Variants in OSMR observed in about 807,000 individuals in gnomAD.
OSMR encodes the protein oncostatin-M-specific receptor subunit beta.
OSMR carries 81 observed loss-of-function variants against 99.9 expected under a neutral mutation model. The ratio of observed to expected loss-of-function variants is 0.81; its 90% CI spans 0.68 to 0.97. OSMR has a LOEUF of 0.97. Ranked by LOEUF, OSMR falls within the 50% of genes least tolerant of loss-of-function variation. OSMR has a pLI of 0.00. For missense variants in OSMR, 1,099 were observed against 1,153.4 expected (o/e 0.95, Z 0.68); for synonymous variants, 406 against 410.4 (o/e 0.99, Z 0.13).
intron 7 of OSMR, among the ~76,000 whole-genome samples, chr5:38,888,514 T>C (rs1342226491): frequency 6.6e-6 from 1 of 152,150 alleles, no homozygotes; most frequent in African/African-American, 2.4e-5. Flanking sequence ...AAACAAAAAC[T>C]TCCCAAGGAC....
At position 38,904,388 on chromosome 5, in the gene OSMR, C is replaced by T; in HGVS notation, c.1170C>T (p.Phe390=). The T allele has an allele frequency of 1.2e-6, 2 of 1,614,038 alleles. No homozygotes were observed. Among genetic ancestry groups the T allele is most frequent in the Non-Finnish European group, 1.7e-6 (2 of 1,179,960 alleles). The change falls in exon 9 of 18, where the codon TTC becomes TTT. Residue 390 remains phenylalanine, a synonymous_variant. Transcript: ENST00000274276. ...NVSIKVNGEY[F]LSELEPATEY... is the part of the protein sequence containing the mutation. ...CCATCAAGGTGAACGGTGAGTACTT[C>T]TTAAGTGAACTGGAACCTGCCACAG...
chr5:38,943,061 C>T, intron 1 of OSMR: 1 of 898,202 alleles, frequency 1.1e-6, no homozygotes, highest in Non-Finnish European at 1.8e-6. Context: ...AAATAGATTT[C>T]CCTACAGATA....
chr5:38,854,881 T>TA (rs1740719198), intron 1 of OSMR, among the ~76,000 whole-genome samples: 1 of 147,756 alleles, frequency 6.8e-6, no homozygotes, highest in African/African-American at 2.5e-5. Context: ...TTTCCCTTTC[T>TA]AAATTCTGCT....
intron 1 of OSMR, among the ~76,000 whole-genome samples, chr5:38,862,011 G>A (rs1182786265): frequency 2.5e-5 from 3 of 120,800 alleles, no homozygotes; most frequent in Non-Finnish European, 3.5e-5. Flanking sequence ...GCGGCTGGCC[G>A]GGCAGAGGGG....
At chr5:38,923,571 A>T (rs77599657) in intron 13 of OSMR, among the ~76,000 whole-genome samples, 4 of 152,212 alleles carry the variant, frequency 2.6e-5, no homozygotes, top group African/African-American at 9.7e-5. Context: ...GGATGCTGGA[A>T]TCAAAGGGTT....
chr5:38,944,895 T>C, intron 2 of OSMR: 1 of 1,609,438 alleles, frequency 6.2e-7, no homozygotes, highest in Non-Finnish European at 8.5e-7. Flanking sequence ...ATGATTGGAT[T>C]TGAATCTGAA....
chr5:38,847,010 C>G (rs1308222394), intron 1 of OSMR, among the ~76,000 whole-genome samples: 10 of 152,226 alleles, frequency 6.6e-5, no homozygotes, highest in Non-Finnish European at 1.3e-4. Context: ...AGGCACAGTG[C>G]TAGGTGCTGC....
intron 1 of OSMR, among the ~76,000 whole-genome samples, chr5:38,852,952 C>T (rs930616026): frequency 1.3e-5 from 2 of 151,662 alleles, no homozygotes; most frequent in South Asian, 2.1e-4. Flanking sequence ...AGGATGGTCT[C>T]GATCTCCTGA....
chr5:38,862,097 G>A (rs1192563808), intron 1 of OSMR, among the ~76,000 whole-genome samples: 3 of 23,546 alleles, frequency 1.3e-4, no homozygotes, highest in East Asian at 1.5e-3. Flanking sequence ...CCGGGTGGGG[G>A]GCTGACCCCC....
At chr5:38,943,503 T>C (rs917361310) in intron 1 of OSMR, among the ~76,000 whole-genome samples, 3 of 151,914 alleles carry the variant, frequency 2.0e-5, no homozygotes, top group Non-Finnish European at 4.4e-5. Flanking sequence ...CCAATACCTA[T>C]ATCACCCTTA....
chr5:38,876,053 C>T lies in OSMR; in HGVS notation c.74-148C>T, dbSNP rs986893318. The T allele has an allele frequency of 6.2e-6, 7 of 1,132,744 alleles. No homozygotes were observed. The African/African-American group carries it at 6.3e-5, about 10-fold the overall frequency. The allele number at this position is 1,132,744 out of a possible 1,614,324, so 70.2% of individuals were successfully genotyped here. On this transcript the variant is annotated intron_variant, in intron 2 of 17. Transcript: ENST00000274276. ...GCTAAGTGATTTCTAAATTCTCTTC[C>T]AGATTTCCAAGGTGTCTGATTCTAG...
chr5:38,883,840 T>C lies in OSMR; in HGVS notation c.432T>C (p.Thr144=). The C allele has an allele frequency of 5.6e-6, 9 of 1,612,876 alleles. No homozygotes were observed. Among genetic ancestry groups the C allele is most frequent in the Non-Finnish European group, 7.6e-6 (9 of 1,179,980 alleles). The change falls in exon 5 of 18, where the codon ACT becomes ACC. Residue 144 remains threonine, a synonymous_variant. Transcript: ENST00000274276. ...TTTTTCTTGCAGTACAAGATTCTAC[T>C]GGACAGGATATATTGTTCGTTTTCC... ...SWEEVSVQDS[T]GQDILFVFPK... is the part of the protein sequence containing the mutation.
At chr5:38,850,914 TC>T (rs1012817957) in intron 1 of OSMR, among the ~76,000 whole-genome samples, 1 of 152,210 alleles carries the variant, frequency 6.6e-6, no homozygotes, top group Non-Finnish European at 1.5e-5. Context: ...ATTTTTCTAC[TC>T]AGGACACTGG....
chr5:38,859,015 G>A (rs1357643224), intron 1 of OSMR, among the ~76,000 whole-genome samples: 1 of 152,162 alleles, frequency 6.6e-6, no homozygotes, highest in African/African-American at 2.4e-5. Context: ...CTAGTCAGAT[G>A]AATGGTTTGC....
chr5:38,921,795 G>T lies in OSMR; in HGVS notation c.1765+1G>T. 6.2e-7 allele frequency: 1 copy of T among 1,611,762 alleles called. No individual in the cohort carries two copies. The highest frequency in any genetic ancestry group is 1.1e-5 in the South Asian group (1 of 91,044). On this transcript the variant is annotated splice_donor_variant, in intron 12 of 17. Transcript: ENST00000274276. LOFTEE classifies it high-confidence loss of function. Reference sequence around the variant, plus strand: ...ACCACAAGCACAGTCATTAGCACAGGTAAGAAGAAGCTTCCATATCATCGC... The same window carrying T: ...ACCACAAGCACAGTCATTAGCACAGTTAAGAAGAAGCTTCCATATCATCGC...
In OSMR at chr5:38,883,966, T is replaced by A. The variant is rs1461369969; in HGVS notation, c.558T>A (p.Ile186=). Residue 186 remains isoleucine, a synonymous_variant, in exon 5 of 18, where the codon ATT becomes ATA. Transcript: ENST00000274276. ...CCTGTTATTTGGAAGGGAAACAGAT[T>A]CATGGAGAACAACTTGATCCACATG... ...NVSCYLEGKQ[I]HGEQLDPHVT... 8 of 1,613,956 alleles carry A rather than the reference T, an allele frequency of 5.0e-6. No individual in the cohort carries two copies. Among genetic ancestry groups the A allele is most frequent in the Admixed American group, 3.3e-5 (2 of 60,028 alleles).
At chr5:38,942,994 G>A (rs1294396682) in intron 1 of OSMR, 1 of 1,548,226 alleles carries the variant, frequency 6.5e-7, no homozygotes, top group Non-Finnish European at 8.9e-7. Flanking sequence ...ATTATGGTGT[G>A]ATGAAAACTG....
At chr5:38,944,170 G>A (rs1320769069) in intron 1 of OSMR, 6 of 514,836 alleles carry the variant, frequency 1.2e-5, no homozygotes, top group Non-Finnish European at 2.2e-5. Flanking sequence ...AAAAAAGTGA[G>A]AAGAGTGGCA....
chr5:38,866,162 A>G (rs1363457918), intron 1 of OSMR, among the ~76,000 whole-genome samples: 3 of 152,148 alleles, frequency 2.0e-5, no homozygotes, highest in Non-Finnish European at 4.4e-5. Context: ...CCCCCGCTTC[A>G]TGTGTGCAGG....
Sources: allele counts gnomAD v4.1 joint callset (sites outside exome capture counted in the v4.1 genomes callset), GRCh38; gene constraint gnomAD v4.1.1; transcripts MANE v1.5; gene names NCBI Gene and HGNC (gene_info 2026-07-23, HGNC 2026-07-21).